The following HDAC4 variants were observed in gnomAD, a reference collection of about 807,000 sequenced individuals.
HDAC4 encodes the protein histone deacetylase 4.
Under a neutral mutation model 135.1 loss-of-function variants are expected in HDAC4, and 16 were observed. The ratio of observed to expected loss-of-function variants is 0.12; its 90% CI spans 0.08 to 0.18. HDAC4 has a LOEUF of 0.18. Among genes scored for constraint, HDAC4 ranks in the 10% least tolerant of loss-of-function variants. The pLI is 1.00. For synonymous variants in HDAC4, 685 were observed against 653.4 expected (o/e 1.05, Z -0.74); for missense variants, 1,143 against 1,511.8 (o/e 0.76, Z 4.05).
chr2:239,396,148 T>C (rs1330275917), intron 1 of HDAC4, among the ~76,000 whole-genome samples: 1 of 151,648 alleles, frequency 6.6e-6, no homozygotes, highest in Non-Finnish European at 1.5e-5. Flanking sequence ...GATTTTTTTT[T>C]TTTTTTTGTA....
rs543380383 is a variant in HDAC4, at chr2:239,052,195, A to C, written c.*902T>G. ...GGAACTACCTCCATTTTTCTTAAAC[A>C]GCAATAAAGCAAAACAGGGACCGCC... On this transcript the variant is annotated 3_prime_UTR_variant, in exon 27 of 27. Coordinates refer to ENST00000543185, the MANE Select transcript of HDAC4 (RefSeq NM_001378414.1). The C allele has an allele frequency of 6.6e-6, 1 of 152,532 alleles. No homozygotes were observed. Among genetic ancestry groups the C allele is most frequent in the African/African-American group, 2.4e-5 (1 of 41,570 alleles). 9.4% of individuals were successfully genotyped at this position (152,532 alleles called of 1,614,324 possible).
chr2:239,085,512 G>A (rs2035850371), intron 19 of HDAC4, among the ~76,000 whole-genome samples: 2 of 152,188 alleles, frequency 1.3e-5, no homozygotes, highest in South Asian at 4.1e-4. Flanking sequence ...AACACAATTC[G>A]TTTGTCTCCT....
intron 15 of HDAC4, among the ~76,000 whole-genome samples, chr2:239,106,661 T>C (rs58457914): frequency 0.069 from 10,445 of 152,190 alleles, 1,241 homozygotes; most frequent in African/African-American, 0.24. Flanking sequence ...AAATTATGTA[T>C]CACCAATAAA....
intron 2 of HDAC4, among the ~76,000 whole-genome samples, chr2:239,251,292 G>A (rs941377078): frequency 6.6e-6 from 1 of 152,110 alleles, no homozygotes; most frequent in African/African-American, 2.4e-5. Flanking sequence ...GGGTGATCTG[G>A]GTAAAGATTT....
intron 3 of HDAC4, among the ~76,000 whole-genome samples, chr2:239,200,471 G>C (rs1050824668): frequency 6.6e-6 from 1 of 152,154 alleles, no homozygotes; most frequent in Non-Finnish European, 1.5e-5. Context: ...TGTAACTTAA[G>C]TGGCCCTACC....
chr2:239,256,091 T>C (rs760455312), intron 2 of HDAC4, among the ~76,000 whole-genome samples: 2 of 152,244 alleles, frequency 1.3e-5, no homozygotes, highest in Non-Finnish European at 2.9e-5. Flanking sequence ...GCACAGTCCA[T>C]GCCATCACTT....
intron 2 of HDAC4, among the ~76,000 whole-genome samples, chr2:239,275,287 C>T (rs191393798): frequency 8.7e-4 from 132 of 152,376 alleles, no homozygotes; most frequent in African/African-American, 3.0e-3. Context: ...GCCGGCAAAG[C>T]GCTGCTCACT....
At chr2:239,214,721 T>C (rs2046532104) in intron 3 of HDAC4, among the ~76,000 whole-genome samples, 2 of 152,262 alleles carry the variant, frequency 1.3e-5, no homozygotes, top group Non-Finnish European at 2.9e-5. Context: ...TTCTCAAATG[T>C]ACAATCCAAC....
chr2:239,143,616 T>C (rs891123533), intron 8 of HDAC4, among the ~76,000 whole-genome samples: 1 of 152,184 alleles, frequency 6.6e-6, no homozygotes, highest in African/African-American at 2.4e-5. Flanking sequence ...ACTCCTCAAG[T>C]AGAGAGGGGA....
chr2:239,114,254 G>A (rs927763082), intron 13 of HDAC4, among the ~76,000 whole-genome samples: 11 of 152,292 alleles, frequency 7.2e-5, no homozygotes, highest in African/African-American at 2.4e-4. Flanking sequence ...CGGCACGGCC[G>A]GCATGGAGTC....
intron 3 of HDAC4, among the ~76,000 whole-genome samples, chr2:239,230,621 G>A (rs767417674): frequency 2.6e-5 from 4 of 152,154 alleles, no homozygotes; most frequent in Non-Finnish European, 5.9e-5. Flanking sequence ...GCCACTCGAG[G>A]AACCACCAGA....
At chr2:239,137,942 T>C (rs1034027484) in intron 9 of HDAC4, among the ~76,000 whole-genome samples, 1 of 152,196 alleles carries the variant, frequency 6.6e-6, no homozygotes, top group African/African-American at 2.4e-5. Context: ...TTTCTAAAAA[T>C]TAACACAGAA....
At position 239,150,280 on chromosome 2, in the gene HDAC4, T is replaced by C. The variant is rs1177128625; in HGVS notation, c.734-5566A>G. Reference sequence around the variant, plus strand: ...ACAGATACACACACAGAAACATAGATACACACACAGGTACATACACAGATA... The same window carrying C: ...ACAGATACACACACAGAAACATAGACACACACACAGGTACATACACAGATA... On this transcript the variant is annotated intron_variant, in intron 7 of 26. Transcript: ENST00000543185. Among the ~76,000 whole-genome samples, 3 of 148,180 alleles carry C rather than the reference T, an allele frequency of 2.0e-5. No homozygotes were observed. In the East Asian group the frequency reaches 6.0e-4, roughly 29 times the overall value.
intron 12 of HDAC4, among the ~76,000 whole-genome samples, chr2:239,124,667 T>A (rs898570719): frequency 2.6e-5 from 4 of 151,516 alleles, no homozygotes; most frequent in East Asian, 1.9e-4. Flanking sequence ...GACATTCCGG[T>A]GTGCCGGCGT....
At chr2:239,102,730 G>A in intron 16 of HDAC4, 46 bp downstream of exon 16, 1 of 1,611,076 alleles carries the variant, frequency 6.2e-7, no homozygotes, top group Non-Finnish European at 8.5e-7. Flanking sequence ...CACAACCTCA[G>A]GGGACTTCAA....
chr2:239,066,587 C>G, intron 24 of HDAC4, 135 bp downstream of exon 24: 1 of 1,169,920 alleles, frequency 8.5e-7, no homozygotes, highest in Admixed American at 1.7e-5. Flanking sequence ...GGGGCAGGTG[C>G]AAGGCGGAGC....
chr2:239,122,602 G>A (rs548875289), intron 12 of HDAC4, among the ~76,000 whole-genome samples: 3 of 152,344 alleles, frequency 2.0e-5, no homozygotes, highest in African/African-American at 7.2e-5. Flanking sequence ...CACAGGCTGG[G>A]GAGAGGAGAG....
At chr2:239,396,350 T>C (rs992643088) in intron 1 of HDAC4, among the ~76,000 whole-genome samples, 31 of 152,318 alleles carry the variant, frequency 2.0e-4, no homozygotes, top group African/African-American at 6.3e-4. Context: ...CCAACATTTA[T>C]ATCATGCTTA....
intron 22 of HDAC4, among the ~76,000 whole-genome samples, chr2:239,070,792 G>T (rs1346162746): frequency 6.6e-6 from 1 of 152,138 alleles, no homozygotes; most frequent in African/African-American, 2.4e-5. Context: ...TGAATTAAAA[G>T]ATAAAAAATA....
Sources: gnomAD v4.1 joint callset for allele counts (sites outside exome capture counted in the v4.1 genomes callset) on GRCh38, gnomAD v4.1.1 for gene constraint, MANE v1.5 for transcripts, NCBI Gene and HGNC (gene_info 2026-07-23, HGNC 2026-07-21) for gene names.